The following ANKRD30A variants were observed in gnomAD, a reference collection of about 807,000 sequenced individuals.
ANKRD30A encodes the protein ankyrin repeat domain 30A.
ANKRD30A carries 170 observed loss-of-function variants against 166.3 expected under a neutral mutation model. That is an observed-to-expected ratio of 1.02 (90% CI 0.90 to 1.16). The LOEUF (loss-of-function observed/expected upper bound fraction) is 1.16. Among genes scored for constraint, ANKRD30A ranks in the 50% most tolerant of loss-of-function variants. The pLI, the probability that ANKRD30A is intolerant of heterozygous loss-of-function variation, is 0.00. For synonymous variants in ANKRD30A, 564 were observed against 508.9 expected (o/e 1.11, Z -1.46); for missense variants, 1,630 against 1,518.0 (o/e 1.07, Z -1.23).
chr10:37,150,096 T>A (rs1837812250), intron 11 of ANKRD30A, among the ~76,000 whole-genome samples: 2 of 152,136 alleles, frequency 1.3e-5, no homozygotes, highest in South Asian at 4.1e-4. Context: ...TAATGTTTAC[T>A]ATTTTGAACT....
chr10:37,128,563 A>G (rs967367884), intron 1 of ANKRD30A, among the ~76,000 whole-genome samples: 9 of 152,046 alleles, frequency 5.9e-5, no homozygotes, highest in Admixed American at 1.3e-4. Context: ...TTAGAAAAAT[A>G]AAAGAGCAAA....
the ANKRD30A span, among the ~76,000 whole-genome samples, chr10:37,253,834 T>A: frequency 6.6e-6 from 1 of 152,000 alleles, no homozygotes; most frequent in Non-Finnish European, 1.5e-5. Flanking sequence ...GTATTTTTAG[T>A]AGAGACAGGG....
At chr10:37,244,554 A>G in the ANKRD30A span, among the ~76,000 whole-genome samples, 2 of 152,256 alleles carry the variant, frequency 1.3e-5, no homozygotes, top group Non-Finnish European at 2.9e-5. Context: ...CTGTGTGACC[A>G]GTCTCTTGTG....
At chr10:37,193,029 C>G (rs368801894) in intron 25 of ANKRD30A, 35 bp from the exon 26 acceptor site, 2 of 1,602,382 alleles carry the variant, frequency 1.2e-6, no homozygotes, top group African/African-American at 2.7e-5. Flanking sequence ...GTCAAGCTTG[C>G]ATACAATAAA....
chr10:37,152,219 T>A (rs1838003109), intron 12 of ANKRD30A, 98 bp downstream of exon 12: 1 of 993,210 alleles, frequency 1.0e-6, no homozygotes, highest in African/African-American at 1.7e-5. Flanking sequence ...TCTTCATATG[T>A]CACCCCGAAA....
intron 13 of ANKRD30A, among the ~76,000 whole-genome samples, chr10:37,154,821 G>A (rs1838239736): frequency 6.6e-6 from 1 of 152,136 alleles, no homozygotes; most frequent in South Asian, 2.1e-4. Context: ...GAGTGTGGGT[G>A]CTCTGGAGAC....
At chr10:37,219,988 AATATATATATATAT>A (rs71007624) in intron 34 of ANKRD30A, 91 bp downstream of exon 34, 4,275 of 187,720 alleles carry the variant, frequency 0.023, 149 homozygotes, top group African/African-American at 0.048. Flanking sequence ...AATCTAGTTG[AATATATATATATAT>A]ATATATATAT....
intron 31 of ANKRD30A, among the ~76,000 whole-genome samples, chr10:37,204,310 A>T (rs566582231): frequency 1.3e-5 from 2 of 151,710 alleles, no homozygotes; most frequent in Middle Eastern, 3.4e-3. Context: ...ATGGAACAGA[A>T]CCACACATCT....
chr10:37,210,308 C>G (rs114234587), intron 31 of ANKRD30A, among the ~76,000 whole-genome samples: 2,175 of 152,064 alleles, frequency 0.014, 39 homozygotes, highest in African/African-American at 0.05. Flanking sequence ...CCTTTTTTAT[C>G]ACTGCATAGT....
intron 24 of ANKRD30A, among the ~76,000 whole-genome samples, chr10:37,183,012 G>A (rs1840135185): frequency 6.7e-6 from 1 of 150,228 alleles, no homozygotes; most frequent in Admixed American, 6.7e-5. Flanking sequence ...TTTGATTTAA[G>A]GCCTCATAGT....
At chr10:37,234,269 A>G (rs1462883068), downstream of ANKRD30A, among the ~76,000 whole-genome samples, 3 of 152,160 alleles carry the variant, frequency 2.0e-5, no homozygotes, top group East Asian at 1.9e-4. Context: ...GCTTTGTTCT[A>G]TATATGAGAA....
At chr10:37,129,005 A>G (rs1836225058) in intron 1 of ANKRD30A, among the ~76,000 whole-genome samples, 1 of 152,146 alleles carries the variant, frequency 6.6e-6, no homozygotes, top group Admixed American at 6.5e-5. Context: ...GATGAGCCAT[A>G]CCTATTTATT....
intron 34 of ANKRD30A, among the ~76,000 whole-genome samples, chr10:37,220,291 G>A (rs1403581999): frequency 8.6e-5 from 13 of 150,762 alleles, no homozygotes; most frequent in Middle Eastern, 3.4e-3. Context: ...GGGAATGCCC[G>A]TATCAGCAAT....
At chr10:37,250,076 C>T in the ANKRD30A span, among the ~76,000 whole-genome samples, 1 of 152,040 alleles carries the variant, frequency 6.6e-6, no homozygotes, top group African/African-American at 2.4e-5. Context: ...TCTGAGAGCA[C>T]AGTGGATATA....
intron 25 of ANKRD30A, among the ~76,000 whole-genome samples, chr10:37,190,717 G>C (rs566403955): frequency 1.3e-5 from 2 of 151,924 alleles, no homozygotes; most frequent in South Asian, 4.2e-4. Flanking sequence ...GAGTGCTAGA[G>C]TGTGGGTGCT....
chr10:37,126,896 A>C (rs1836055499), intron 1 of ANKRD30A, among the ~76,000 whole-genome samples: 2 of 151,754 alleles, frequency 1.3e-5, no homozygotes, highest in Admixed American at 1.3e-4. Flanking sequence ...AAAATACAAA[A>C]ATTAGCCGGG....
At chr10:37,136,811 G>A (rs1836715714) in intron 6 of ANKRD30A, 140 bp downstream of exon 6, 1 of 327,660 alleles carries the variant, frequency 3.1e-6, no homozygotes, top group South Asian at 4.3e-5. Flanking sequence ...GTGGGTGTGT[G>A]TATGTGTGTG....
chr10:37,203,938 GA>G (rs1290003767), intron 31 of ANKRD30A, among the ~76,000 whole-genome samples: 2 of 152,168 alleles, frequency 1.3e-5, no homozygotes, highest in African/African-American at 4.8e-5. Flanking sequence ...CAAGGGATGT[GA>G]AGGACCTCTT....
Position 37,172,396 on chromosome 10 carries a change from G to T in ANKRD30A, c.2258-1316G>T, listed in dbSNP as rs1439501184. Among the ~76,000 whole-genome samples the T allele has an allele frequency of 1.2e-4, 15 of 122,520 alleles. No homozygotes were observed. In the East Asian group the frequency reaches 1.8e-3, roughly 14 times the overall value. 80.4% of individuals were successfully genotyped at this position (122,520 alleles called of 152,430 possible). ...GCTTTTATTTCTGGGTATGCTTTTAGCCAGAGAAGAAGAAGAAAAAGATAA... is the reference window on the plus strand; with the variant it reads ...GCTTTTATTTCTGGGTATGCTTTTATCCAGAGAAGAAGAAGAAAAAGATAA... On this transcript the variant is annotated intron_variant, in intron 21 of 35. Coordinates refer to ENST00000361713, the MANE Select transcript of ANKRD30A (RefSeq NM_052997.3).
Sources: gnomAD v4.1 joint callset for allele counts (sites outside exome capture counted in the v4.1 genomes callset) on GRCh38, gnomAD v4.1.1 for gene constraint, MANE v1.5 for transcripts, NCBI Gene and HGNC (gene_info 2026-07-23, HGNC 2026-07-21) for gene names.